GCSAML: variants seen among roughly 807,000 people sequenced by gnomAD.
GCSAML encodes germinal center-associated signaling and motility-like protein.
GCSAML carries 9 observed loss-of-function variants against 13.0 expected under a neutral mutation model. The observed-to-expected ratio is 0.69, with a 90% CI of 0.42 to 1.21. GCSAML has a LOEUF of 1.21. GCSAML is among the 50% of genes most tolerant of loss of function. GCSAML has a pLI of 0.00. For missense variants in GCSAML, 143 were observed against 153.4 expected (o/e 0.93, Z 0.36); for synonymous variants, 37 against 52.9 (o/e 0.70, Z 1.31).
At chr1:247,571,506 T>C (rs1668610824) in intron 4 of GCSAML, among the ~76,000 whole-genome samples, 1 of 152,196 alleles carries the variant, frequency 6.6e-6, no homozygotes, top group Admixed American at 6.5e-5. Context: ...ATTCTTGTCT[T>C]TAAGAATGTT....
chr1:247,537,404 T>C (rs1467322533), intron 2 of GCSAML, among the ~76,000 whole-genome samples: 2 of 152,246 alleles, frequency 1.3e-5, no homozygotes, highest in Admixed American at 1.3e-4. Flanking sequence ...GATGAACATT[T>C]GAGTTGTTTC....
intron 1 of GCSAML, among the ~76,000 whole-genome samples, chr1:247,510,253 T>A (rs1262246473): frequency 6.6e-6 from 1 of 152,250 alleles, no homozygotes; most frequent in Non-Finnish European, 1.5e-5. Context: ...GTCCAGAAAT[T>A]TAACCATTTC....
At chr1:247,522,674 CG>C (rs1666494091) in intron 1 of GCSAML, among the ~76,000 whole-genome samples, 2 of 152,128 alleles carry the variant, frequency 1.3e-5, no homozygotes, top group Non-Finnish European at 2.9e-5. Flanking sequence ...GGATTAAGGG[CG>C]GTGCAAGATG....
chr1:247,510,033 G>T (rs1314581746), intron 1 of GCSAML, among the ~76,000 whole-genome samples: 1 of 152,180 alleles, frequency 6.6e-6, no homozygotes, highest in East Asian at 1.9e-4. Context: ...AGTTAAGGAG[G>T]AGTCCCTCTT....
chr1:247,532,315 T>G, intron 2 of GCSAML: 1 of 1,613,974 alleles, frequency 6.2e-7, no homozygotes. Flanking sequence ...GAAGGGGAGG[T>G]TGGCAAGAAA....
chr1:247,537,810 G>A (rs1026100378), intron 2 of GCSAML, among the ~76,000 whole-genome samples: 2 of 152,034 alleles, frequency 1.3e-5, no homozygotes, highest in Non-Finnish European at 2.9e-5. Flanking sequence ...TTGGAAAAAT[G>A]TCTATTCAAG....
chr1:247,547,701 C>T (rs1469785180), upstream of GCSAML, among the ~76,000 whole-genome samples: 1 of 152,158 alleles, frequency 6.6e-6, no homozygotes, highest in Non-Finnish European at 1.5e-5. Context: ...TCAAGGACAG[C>T]AATGGCGGAA....
At chr1:247,533,138 C>T (rs185393162) in intron 2 of GCSAML, among the ~76,000 whole-genome samples, 27 of 152,238 alleles carry the variant, frequency 1.8e-4, no homozygotes, top group Admixed American at 3.3e-4. Flanking sequence ...ACCACCCCTG[C>T]TCCTGCCACT....
chr1:247,531,196 C>T (rs1666935515), intron 2 of GCSAML: 1 of 259,318 alleles, frequency 3.9e-6, no homozygotes, highest in Non-Finnish European at 7.5e-6. Flanking sequence ...GGTCTCCCCG[C>T]GCGCTCTCAG....
At chr1:247,570,900 G>C (rs1176057) in intron 4 of GCSAML, among the ~76,000 whole-genome samples, 1 of 151,910 alleles carries the variant, frequency 6.6e-6, no homozygotes, top group African/African-American at 2.4e-5. Context: ...TCCTGTATTC[G>C]GTGCATATAT....
intron 4 of GCSAML, among the ~76,000 whole-genome samples, chr1:247,572,647 T>C (rs1668661245): frequency 6.6e-6 from 1 of 152,138 alleles, no homozygotes; most frequent in Non-Finnish European, 1.5e-5. Context: ...TCGATCCCTG[T>C]TGGGAGGTGT....
At chr1:247,531,837 G>A (rs149975458) in intron 2 of GCSAML, 15 of 1,614,032 alleles carry the variant, frequency 9.3e-6, no homozygotes, top group Admixed American at 6.7e-5. Context: ...TCTTCAACAC[G>A]GCCCGGGCAA....
chr1:247,549,334 C>T, intron 1 of GCSAML, 114 bp downstream of exon 1: 2 of 856,040 alleles, frequency 2.3e-6, no homozygotes, highest in South Asian at 1.7e-5. Flanking sequence ...AAGGTTAAGC[C>T]TGAAGACAGC....
At chr1:247,543,790 A>T (rs938921316) in intron 2 of GCSAML, among the ~76,000 whole-genome samples, 1 of 151,746 alleles carries the variant, frequency 6.6e-6, no homozygotes, top group Non-Finnish European at 1.5e-5. Flanking sequence ...CTCTAATCTT[A>T]TTAAAAAAAT....
chr1:247,510,096 CCT>C (rs1282405403), intron 1 of GCSAML, among the ~76,000 whole-genome samples: 1 of 152,152 alleles, frequency 6.6e-6, no homozygotes, highest in African/African-American at 2.4e-5. Context: ...CCTCCTTGTA[CCT>C]CTGGTAGAAT....
intron 1 of GCSAML, among the ~76,000 whole-genome samples, chr1:247,521,428 C>T (rs1009607366): frequency 3.3e-5 from 5 of 150,178 alleles, no homozygotes; most frequent in Admixed American, 6.6e-5. Context: ...CCTCTGATGC[C>T]GAGCGGAAGC....
chr1:247,520,482 C>T (rs2103310550), intron 1 of GCSAML, among the ~76,000 whole-genome samples: 1 of 152,072 alleles, frequency 6.6e-6, no homozygotes, highest in Non-Finnish European at 1.5e-5. Context: ...TGCCAACCCC[C>T]ATATTGAGTT....
At chr1:247,514,517 T>C (rs182690161) in intron 1 of GCSAML, among the ~76,000 whole-genome samples, 3 of 152,374 alleles carry the variant, frequency 2.0e-5, no homozygotes, top group Admixed American at 2.0e-4. Flanking sequence ...CATTTGCTTT[T>C]AGGTTCTTGG....
At chr1:247,546,570 C>A (rs1667585389), upstream of GCSAML, among the ~76,000 whole-genome samples, 1 of 151,860 alleles carries the variant, frequency 6.6e-6, no homozygotes, top group Non-Finnish European at 1.5e-5. Context: ...ACTGTGTTAG[C>A]CAGGATGGTC....
Sources: allele counts gnomAD v4.1 joint callset (sites outside exome capture counted in the v4.1 genomes callset), GRCh38; gene constraint gnomAD v4.1.1; transcripts MANE v1.5; gene names NCBI Gene and HGNC (gene_info 2026-07-23, HGNC 2026-07-21).